PDE11A: variants seen among roughly 807,000 people sequenced by gnomAD.
PDE11A encodes the protein dual 3',5'-cyclic-AMP and -GMP phosphodiesterase 11A.
In PDE11A, 100 loss-of-function variants were observed where a neutral mutation model predicts 100.5. The observed-to-expected ratio is 1.00, with a 90% confidence interval of 0.85 to 1.18. The LOEUF is 1.18. Among genes scored for constraint, PDE11A ranks in the 50% most tolerant of loss-of-function variants. PDE11A has a pLI of 0.00. For synonymous variants in PDE11A, 381 were observed against 420.8 expected (o/e 0.91, Z 1.16); for missense variants, 1,141 against 1,152.6 (o/e 0.99, Z 0.15).
At chr2:177,849,361 T>G (rs1027206659) in intron 5 of PDE11A, among the ~76,000 whole-genome samples, 1 of 152,168 alleles carries the variant, frequency 6.6e-6, no homozygotes, top group Non-Finnish European at 1.5e-5. Flanking sequence ...AGAGTTCACC[T>G]GGAAGAGAAA....
At chr2:178,031,733 CT>C (rs1367402390) in intron 1 of PDE11A, among the ~76,000 whole-genome samples, 2 of 152,052 alleles carry the variant, frequency 1.3e-5, no homozygotes, top group African/African-American at 4.8e-5. Flanking sequence ...GTAATTCCCC[CT>C]AAACTGACCT....
At chr2:177,957,114 C>G (rs527819824) in intron 2 of PDE11A, among the ~76,000 whole-genome samples, 1 of 151,966 alleles carries the variant, frequency 6.6e-6, no homozygotes, top group African/African-American at 2.4e-5. Context: ...AGGGGCTGGT[C>G]CATAGATCAG....
At chr2:177,740,688 A>T (rs1308448046) in intron 10 of PDE11A, among the ~76,000 whole-genome samples, 1 of 152,250 alleles carries the variant, frequency 6.6e-6, no homozygotes, top group African/African-American at 2.4e-5. Flanking sequence ...CTCTTAGCTT[A>T]GATCCACTGC....
At chr2:178,012,930 T>C (rs562250815) in intron 2 of PDE11A, among the ~76,000 whole-genome samples, 20 of 152,310 alleles carry the variant, frequency 1.3e-4, no homozygotes, top group African/African-American at 4.8e-4. Flanking sequence ...CTGCCATCTA[T>C]GATACAAAAT....
Position 177,738,804 on chromosome 2 carries a change from G to C in PDE11A, c.1789-10632C>G, listed in dbSNP as rs1428234969. Among the ~76,000 whole-genome samples the C allele has an allele frequency of 3.3e-5, 5 of 152,230 alleles. No individual in the cohort carries two copies. In the South Asian group the frequency reaches 6.2e-4, roughly 19 times the overall value. On this transcript the variant is annotated intron_variant, in intron 10 of 19. Coordinates refer to ENST00000286063, the MANE Select transcript of PDE11A (RefSeq NM_016953.4). ...AATTCAATGACTGTTTCAGTGACTA[G>C]GCAGAAAAAGAAGGAAGATAATGAG... is the stretch of plus-strand genomic sequence containing the variant.
chr2:177,912,655 T>C (rs558411946), intron 2 of PDE11A, among the ~76,000 whole-genome samples: 1 of 152,322 alleles, frequency 6.6e-6, no homozygotes, highest in African/African-American at 2.4e-5. Flanking sequence ...ACCCATGTCC[T>C]TTCTAAAATA....
chr2:177,956,320 C>T (rs1271569312), intron 2 of PDE11A, among the ~76,000 whole-genome samples: 4 of 152,150 alleles, frequency 2.6e-5, no homozygotes, highest in African/African-American at 4.8e-5. Context: ...TGCTCATCAT[C>T]ACTGGCCATC....
At position 177,927,133 on chromosome 2, in the gene PDE11A, C is replaced by T. The variant is rs551013924; in HGVS notation, c.1072-21946G>A. 3 of 152,196 alleles carry T rather than the reference C, an allele frequency of 2.0e-5. 1 individual carries two copies. In the South Asian group the frequency reaches 6.2e-4, roughly 32 times the overall value. 9.4% of individuals were successfully genotyped at this position (152,196 alleles called of 1,614,324 possible). A position where few individuals can be genotyped will look rare whatever the true frequency, so the allele number is the denominator to read the frequency against. ...TGGCCTTCGCACAAGTGACCCTGAC[C>T]CACACCTATGAAGTGAAATATAAAA... On this transcript the variant is annotated intron_variant, in intron 2 of 19. Coordinates refer to ENST00000286063, the MANE Select transcript of PDE11A (RefSeq NM_016953.4).
chr2:177,971,511 C>T lies in PDE11A; in HGVS notation c.1071+42791G>A, dbSNP rs71423527. ...TCACAAAGTCATGGATGTCATCCTG[C>T]TACCTTAGCTGACTAAACTAATACT... On this transcript the variant is annotated intron_variant, in intron 2 of 19. Coordinates refer to ENST00000286063, the MANE Select transcript of PDE11A (RefSeq NM_016953.4). 8.7e-3 allele frequency among the ~76,000 whole-genome samples: 1,325 copies of T among 152,282 alleles called. 10 individuals carry two copies. Among genetic ancestry groups the T allele is most frequent in the Non-Finnish European group, 0.014 (963 of 68,032 alleles).
chr2:177,938,667 C>A (rs573016596), intron 2 of PDE11A, among the ~76,000 whole-genome samples: 1 of 152,072 alleles, frequency 6.6e-6, no homozygotes, highest in Admixed American at 6.5e-5. Context: ...GGGAACCCAT[C>A]GTAGTGAGGT....
At chr2:177,635,637 T>A (rs2080027670) in intron 19 of PDE11A, among the ~76,000 whole-genome samples, 1 of 152,190 alleles carries the variant, frequency 6.6e-6, no homozygotes, top group Admixed American at 6.5e-5. Flanking sequence ...ATATAAAATC[T>A]CCGTTCTACT....
chr2:178,084,127 C>T (rs771254184), intron 2 of PDE11A, among the ~76,000 whole-genome samples: 2 of 152,138 alleles, frequency 1.3e-5, no homozygotes, highest in South Asian at 2.1e-4. Context: ...TATAGCTATC[C>T]CTCCATGTGA....
intron 19 of PDE11A, among the ~76,000 whole-genome samples, chr2:177,644,127 C>T (rs2080185696): frequency 6.6e-6 from 1 of 152,218 alleles, no homozygotes; most frequent in Non-Finnish European, 1.5e-5. Flanking sequence ...CTGGGCATTG[C>T]CTAGTGGAGC....
At chr2:177,768,085 C>T (rs776115649) in intron 10 of PDE11A, among the ~76,000 whole-genome samples, 9 of 152,166 alleles carry the variant, frequency 5.9e-5, no homozygotes, top group Non-Finnish European at 1.3e-4. Flanking sequence ...AGACCCTATC[C>T]TTGGATGGAG....
chr2:177,748,738 A>C (rs1241139945), intron 10 of PDE11A, among the ~76,000 whole-genome samples: 1 of 152,202 alleles, frequency 6.6e-6, no homozygotes, highest in African/African-American at 2.4e-5. Flanking sequence ...TGTTGATTTC[A>C]AAAGCTGCAA....
chr2:177,869,187 T>TA, intron 5 of PDE11A, among the ~76,000 whole-genome samples: 1 of 152,382 alleles, frequency 6.6e-6, no homozygotes, highest in East Asian at 1.9e-4. Context: ...ACTATACATA[T>TA]AGCAGCTTAA....
chr2:177,741,161 C>T (rs1483409173), intron 10 of PDE11A, among the ~76,000 whole-genome samples: 1 of 152,156 alleles, frequency 6.6e-6, no homozygotes, highest in African/African-American at 2.4e-5. Flanking sequence ...TTTATTTTCC[C>T]ACAGTTCTGG....
intron 2 of PDE11A, 43 bp downstream of exon 2, chr2:178,014,259 A>T: frequency 6.8e-7 from 1 of 1,463,736 alleles, no homozygotes; most frequent in Non-Finnish European, 9.6e-7. Flanking sequence ...GCAATCAATG[A>T]CCAAGAAGAA....
At chr2:177,839,751 T>C (rs565849175) in intron 6 of PDE11A, among the ~76,000 whole-genome samples, 1 of 152,274 alleles carries the variant, frequency 6.6e-6, no homozygotes, top group Admixed American at 6.5e-5. Flanking sequence ...ATATAGAGAG[T>C]ACACATATGT....
Sources: allele counts gnomAD v4.1 joint callset (sites outside exome capture counted in the v4.1 genomes callset), GRCh38; gene constraint gnomAD v4.1.1; transcripts MANE v1.5; gene names NCBI Gene and HGNC (gene_info 2026-07-23, HGNC 2026-07-21).